The following CCSER1 variants were observed in gnomAD, a reference collection of about 807,000 sequenced individuals.
CCSER1 encodes the protein serine-rich coiled-coil domain-containing protein 1.
A neutral mutation model predicts 82.0 loss-of-function variants in CCSER1; 41 were observed. That is an observed-to-expected ratio of 0.50 (90% CI 0.39 to 0.65). The LOEUF is 0.65. CCSER1 is among the 30% of genes least tolerant of loss of function. The pLI, the probability that CCSER1 is intolerant of heterozygous loss-of-function variation, is 0.00. For missense variants in CCSER1, 1,119 were observed against 1,064.2 expected (o/e 1.05, Z -0.72); for synonymous variants, 414 against 383.9 (o/e 1.08, Z -0.92).
At chr4:91,367,672 A>G (rs985689122) in intron 10 of CCSER1, among the ~76,000 whole-genome samples, 1 of 152,014 alleles carries the variant, frequency 6.6e-6, no homozygotes, top group Admixed American at 6.6e-5. Flanking sequence ...TATATCATGG[A>G]TTTTCTTCTT....
intron 10 of CCSER1, among the ~76,000 whole-genome samples, chr4:91,210,542 G>A (rs144617919): frequency 1.9e-4 from 28 of 149,546 alleles, no homozygotes; most frequent in Middle Eastern, 6.9e-3. Context: ...AGTACACTGT[G>A]ATTTTTTTTT....
At chr4:90,137,230 A>G (rs909297227) in intron 1 of CCSER1, among the ~76,000 whole-genome samples, 3 of 152,244 alleles carry the variant, frequency 2.0e-5, no homozygotes, top group African/African-American at 7.2e-5. Flanking sequence ...AAACATTACA[A>G]ATTTGTACAC....
chr4:91,442,316 C>T (rs1006422623), intron 10 of CCSER1, among the ~76,000 whole-genome samples: 7 of 152,174 alleles, frequency 4.6e-5, no homozygotes, highest in South Asian at 4.2e-4. Context: ...GAAATAATGC[C>T]GCATATCTAC....
chr4:90,528,901 G>C (rs953918644), intron 5 of CCSER1, among the ~76,000 whole-genome samples: 2 of 152,026 alleles, frequency 1.3e-5, no homozygotes, highest in African/African-American at 4.8e-5. Flanking sequence ...TTATCTCACT[G>C]GTTAATGGTT....
chr4:90,154,254 C>A (rs1436233644), intron 1 of CCSER1, among the ~76,000 whole-genome samples: 2 of 152,156 alleles, frequency 1.3e-5, no homozygotes. Context: ...GTTTTGGTAC[C>A]AGTACCATGC....
chr4:90,153,340 A>G, intron 1 of CCSER1, among the ~76,000 whole-genome samples: 2 of 151,930 alleles, frequency 1.3e-5, no homozygotes, highest in Non-Finnish European at 1.5e-5. Flanking sequence ...GTGCCGCAAT[A>G]AACATACATG....
chr4:90,327,390 A>G (rs1738416450), intron 3 of CCSER1, among the ~76,000 whole-genome samples: 1 of 152,176 alleles, frequency 6.6e-6, no homozygotes. Context: ...CTCCATCAGT[A>G]TGTTTCTTCT....
At chr4:90,228,771 C>T (rs977565053) in intron 1 of CCSER1, among the ~76,000 whole-genome samples, 5 of 152,094 alleles carry the variant, frequency 3.3e-5, no homozygotes, top group African/African-American at 1.2e-4. Context: ...CAGAGAAGTG[C>T]TTAAAGGAGC....
intron 1 of CCSER1, among the ~76,000 whole-genome samples, chr4:90,214,797 G>A (rs1320514073): frequency 6.6e-6 from 1 of 152,100 alleles, no homozygotes; most frequent in African/African-American, 2.4e-5. Context: ...GGTCCAGAGA[G>A]GTTAAAGGAT....
chr4:90,978,610 C>T (rs1389229250), intron 9 of CCSER1, among the ~76,000 whole-genome samples: 2 of 151,620 alleles, frequency 1.3e-5, no homozygotes, highest in Non-Finnish European at 2.9e-5. Context: ...ATTCTGTAGA[C>T]TGAATAAAAA....
At chr4:90,739,104 C>T (rs1746120972) in intron 7 of CCSER1, among the ~76,000 whole-genome samples, 1 of 152,234 alleles carries the variant, frequency 6.6e-6, no homozygotes, top group Admixed American at 6.5e-5. Context: ...CTCTGAGTCT[C>T]ACTCAAGGCA....
At chr4:91,180,148 G>T (rs924561447) in intron 10 of CCSER1, among the ~76,000 whole-genome samples, 2 of 152,204 alleles carry the variant, frequency 1.3e-5, no homozygotes, top group Non-Finnish European at 2.9e-5. Flanking sequence ...AGCAGTTGTT[G>T]CTGCCTCATC....
At chr4:91,121,849 C>A (rs1164251984) in intron 10 of CCSER1, among the ~76,000 whole-genome samples, 1 of 151,280 alleles carries the variant, frequency 6.6e-6, no homozygotes, top group African/African-American at 2.4e-5. Flanking sequence ...TACTTAATTT[C>A]TTTTGACATC....
chr4:90,979,181 T>C (rs981304813), intron 9 of CCSER1, among the ~76,000 whole-genome samples: 3 of 151,374 alleles, frequency 2.0e-5, no homozygotes, highest in Admixed American at 6.6e-5. Context: ...GGTGTGTATA[T>C]ATGTATGTAT....
chr4:91,010,450 A>T (rs1738919567), intron 9 of CCSER1, among the ~76,000 whole-genome samples: 1 of 137,132 alleles, frequency 7.3e-6, no homozygotes, highest in Non-Finnish European at 1.7e-5. Context: ...GGAAATCCAT[A>T]TCTCTTTGAA....
chr4:90,231,253 AC>A (rs1370739258), intron 1 of CCSER1, among the ~76,000 whole-genome samples: 1 of 152,140 alleles, frequency 6.6e-6, no homozygotes, highest in Non-Finnish European at 1.5e-5. Flanking sequence ...ATCCAACAGC[AC>A]ATCAAAAAGC....
chr4:91,065,776 T>C (rs942157769), intron 9 of CCSER1, among the ~76,000 whole-genome samples: 3 of 152,120 alleles, frequency 2.0e-5, no homozygotes, highest in Admixed American at 6.5e-5. Flanking sequence ...CATACAGGTA[T>C]AGAAATTATA....
chr4:90,496,506 G>T (rs1017313374), intron 5 of CCSER1, among the ~76,000 whole-genome samples: 1 of 152,004 alleles, frequency 6.6e-6, no homozygotes, highest in African/African-American at 2.4e-5. Context: ...GAATTGATTT[G>T]TCCTCATAAA....
At chr4:91,479,831 C>G (rs1189382021) in intron 10 of CCSER1, among the ~76,000 whole-genome samples, 1 of 142,182 alleles carries the variant, frequency 7.0e-6, no homozygotes, top group Non-Finnish European at 1.5e-5. Context: ...CATGCTGGTG[C>G]GCTGCACCCA....
Sources: gnomAD v4.1 joint callset for allele counts (sites outside exome capture counted in the v4.1 genomes callset) on GRCh38, gnomAD v4.1.1 for gene constraint, MANE v1.5 for transcripts, NCBI Gene and HGNC (gene_info 2026-07-23, HGNC 2026-07-21) for gene names.